Variants in SRGAP3 observed in about 807,000 individuals in gnomAD.
SRGAP3 encodes SLIT-ROBO Rho GTPase-activating protein 3.
SRGAP3 carries 39 observed loss-of-function variants against 121.1 expected under a neutral mutation model. The observed-to-expected ratio is 0.32, with a 90% CI of 0.25 to 0.42. The LOEUF (loss-of-function observed/expected upper bound fraction) is 0.42, where lower values mean the gene tolerates loss of function less well. SRGAP3 is among the 10% of genes least tolerant of loss of function. SRGAP3 has a pLI of 1.00. For missense variants in SRGAP3, 1,213 were observed against 1,470.6 expected (o/e 0.82, Z 2.86); for synonymous variants, 601 against 570.0 (o/e 1.05, Z -0.77).
intron 3 of SRGAP3, among the ~76,000 whole-genome samples, chr3:9,320,492 T>C (rs1955421533): frequency 6.7e-6 from 1 of 149,470 alleles, no homozygotes; most frequent in Non-Finnish European, 1.5e-5. Flanking sequence ...CTCCCCCACC[T>C]CTCTCTCTTG....
At chr3:9,199,710 T>A (rs1328565002) in intron 1 of SRGAP3, among the ~76,000 whole-genome samples, 1 of 152,202 alleles carries the variant, frequency 6.6e-6, no homozygotes, top group African/African-American at 2.4e-5. Flanking sequence ...AGTTATTGAG[T>A]CCCTAAAGGG....
intron 1 of SRGAP3, among the ~76,000 whole-genome samples, chr3:9,340,173 C>T (rs1575017325): frequency 6.6e-6 from 1 of 152,138 alleles, no homozygotes; most frequent in African/African-American, 2.4e-5. Context: ...TGATATTTCC[C>T]AAGGTGATAT....
intron 3 of SRGAP3, among the ~76,000 whole-genome samples, chr3:9,301,711 T>A (rs897552142): frequency 4.6e-5 from 7 of 152,230 alleles, no homozygotes; most frequent in African/African-American, 9.6e-5. Flanking sequence ...AGCTTCATCT[T>A]TGGCACCAGA....
chr3:9,186,380 T>C (rs1951595344), intron 1 of SRGAP3, among the ~76,000 whole-genome samples: 1 of 152,344 alleles, frequency 6.6e-6, no homozygotes, highest in Middle Eastern at 3.4e-3. Context: ...TCTTTCTTTA[T>C]TGTTACATTG....
intron 13 of SRGAP3, among the ~76,000 whole-genome samples, chr3:9,025,852 C>A (rs1272340147): frequency 1.3e-5 from 2 of 152,102 alleles, no homozygotes; most frequent in Non-Finnish European, 2.9e-5. Flanking sequence ...AATGGGGGAG[C>A]CTGTGATCCT....
At position 9,344,628 on chromosome 3, in the gene SRGAP3, G is replaced by A. The variant is rs141959285; in HGVS notation, n.215-14032C>T. Among the ~76,000 whole-genome samples, 756 of 135,604 alleles carry A rather than the reference G, an allele frequency of 5.6e-3. 6 individuals carry two copies. The highest frequency in any genetic ancestry group is 0.018 in the African/African-American group (682 of 37,326). 89.0% of individuals were successfully genotyped at this position (135,604 alleles called of 152,430 possible). A position where few individuals can be genotyped will look rare whatever the true frequency, so the allele number is the denominator to read the frequency against. On this transcript the variant is annotated intron_variant and non_coding_transcript_variant, in intron 1 of 3. Coordinates refer to the SRGAP3 transcript ENST00000490889. ...AGCCTAGGTGACAAAGTCAGACTCC[G>A]TCTCAAAAACAAAAAACAAAAAAAA...
At chr3:9,283,035 G>T (rs1358221185) in intron 3 of SRGAP3, among the ~76,000 whole-genome samples, 1 of 151,398 alleles carries the variant, frequency 6.6e-6, no homozygotes, top group African/African-American at 2.4e-5. Context: ...CTGCCTCCTG[G>T]GTTCAAGCGA....
chr3:9,317,685 G>C (rs1955370774), intron 3 of SRGAP3, among the ~76,000 whole-genome samples: 2 of 152,236 alleles, frequency 1.3e-5, no homozygotes. Flanking sequence ...TCAAACTCTA[G>C]TATGCATCAG....
Position 8,990,832 on chromosome 3 carries a change from A to G in SRGAP3, c.2566T>C (p.Leu856=), listed in dbSNP as rs1255386336. 1.3e-6 allele frequency: 2 copies of G among 1,540,826 alleles called. No individual in the cohort carries two copies. The highest frequency in any genetic ancestry group is 2.7e-5 in the African/African-American group (2 of 73,172). The change falls in exon 21 of 22, where the codon TTA becomes CTA. Residue 856 remains leucine, a synonymous_variant. Coordinates refer to ENST00000383836, the MANE Select transcript of SRGAP3 (RefSeq NM_014850.4). ...GFGGVMGRVR[L]RSDGAAIPRR... ...GGGATGGCTGCTCCATCAGATCGTAACCGCACTCTGCAAAGGAGCCAGGGG... is the reference window on the plus strand; with the variant it reads ...GGGATGGCTGCTCCATCAGATCGTAGCCGCACTCTGCAAAGGAGCCAGGGG...
chr3:9,278,485 A>G (rs529754296), intron 3 of SRGAP3, among the ~76,000 whole-genome samples: 30 of 152,362 alleles, frequency 2.0e-4, no homozygotes, highest in African/African-American at 6.7e-4. Flanking sequence ...TGAGATTGAT[A>G]ATATTGTGTG....
intron 4 of SRGAP3, among the ~76,000 whole-genome samples, chr3:9,074,721 C>T (rs574355106): frequency 7.3e-4 from 111 of 152,334 alleles, no homozygotes; most frequent in African/African-American, 2.6e-3. Flanking sequence ...AGGGAGACAC[C>T]TTTGCCAAGA....
At chr3:9,027,086 A>G in intron 12 of SRGAP3, 91 bp from the exon 13 acceptor site, 1 of 1,131,320 alleles carries the variant, frequency 8.8e-7, no homozygotes, top group Non-Finnish European at 1.4e-6. Context: ...CTCAAGCCAG[A>G]ATATTAGTAC....
chr3:9,094,617 C>T (rs1947896308), intron 3 of SRGAP3, among the ~76,000 whole-genome samples: 2 of 152,108 alleles, frequency 1.3e-5, no homozygotes, highest in African/African-American at 4.8e-5. Flanking sequence ...CCTGAGGCTC[C>T]ACATTCTTGC....
At chr3:9,251,409 A>G (rs563329089), upstream of SRGAP3, among the ~76,000 whole-genome samples, 24 of 152,196 alleles carry the variant, frequency 1.6e-4, no homozygotes, top group East Asian at 4.1e-3. Flanking sequence ...ACTAGTTCAA[A>G]CCCACAAAAG....
chr3:9,047,986 G>A (rs948962343), intron 9 of SRGAP3, among the ~76,000 whole-genome samples: 59 of 152,232 alleles, frequency 3.9e-4, no homozygotes, highest in Non-Finnish European at 6.9e-4. Flanking sequence ...GCCCCTGAGA[G>A]GCTTTCCCAT....
At chr3:9,208,837 A>T (rs568056509) in intron 1 of SRGAP3, among the ~76,000 whole-genome samples, 1 of 152,302 alleles carries the variant, frequency 6.6e-6, no homozygotes, top group South Asian at 2.1e-4. Context: ...GTCATTTTCC[A>T]TGGGGAAAGA....
At chr3:9,116,951 G>A (rs1948826704) in intron 2 of SRGAP3, among the ~76,000 whole-genome samples, 1 of 152,220 alleles carries the variant, frequency 6.6e-6, no homozygotes, top group South Asian at 2.1e-4. Context: ...ATCCAGTACA[G>A]CACTTGGTCC....
intron 1 of SRGAP3, among the ~76,000 whole-genome samples, chr3:9,160,533 T>G (rs1348829301): frequency 6.6e-6 from 1 of 152,200 alleles, no homozygotes; most frequent in African/African-American, 2.4e-5. Context: ...CCAGTCCCAG[T>G]TAAGCCTTTA....
At chr3:9,118,029 G>C (rs1012049317) in intron 2 of SRGAP3, among the ~76,000 whole-genome samples, 1 of 152,056 alleles carries the variant, frequency 6.6e-6, no homozygotes, top group Non-Finnish European at 1.5e-5. Flanking sequence ...TTACTTGGGA[G>C]GCTGAGGCAG....
Sources: gnomAD v4.1 joint callset for allele counts (sites outside exome capture counted in the v4.1 genomes callset) on GRCh38, gnomAD v4.1.1 for gene constraint, MANE v1.5 for transcripts, NCBI Gene and HGNC (gene_info 2026-07-23, HGNC 2026-07-21) for gene names.